SCLT1: variants seen among roughly 807,000 people sequenced by gnomAD.
SCLT1 encodes sodium channel and clathrin linker 1.
Under a neutral mutation model 112.8 loss-of-function variants are expected in SCLT1, and 78 were observed. The observed-to-expected ratio is 0.69, with a 90% CI of 0.58 to 0.83. The LOEUF is 0.83. SCLT1 is among the 40% of genes least tolerant of loss of function. The probability of loss-of-function intolerance (pLI) is 0.00; values close to 1 mark genes in which losing one functional copy is unlikely to be tolerated. For synonymous variants in SCLT1, 257 were observed against 254.7 expected (o/e 1.01, Z -0.09); for missense variants, 747 against 770.4 (o/e 0.97, Z 0.36).
chr4:129,026,743 A>G (rs1450977812), intron 5 of SCLT1, among the ~76,000 whole-genome samples: 3 of 152,230 alleles, frequency 2.0e-5, no homozygotes, highest in Non-Finnish European at 2.9e-5. Context: ...AACCCTTCAA[A>G]AAATTAATGA....
At chr4:129,085,547 C>A (rs1752319298) in intron 1 of SCLT1, among the ~76,000 whole-genome samples, 1 of 152,048 alleles carries the variant, frequency 6.6e-6, no homozygotes, top group African/African-American at 2.4e-5. Context: ...CATTCTACCA[C>A]AAAGACACAT....
At chr4:128,918,108 G>A (rs555585975) in intron 18 of SCLT1, among the ~76,000 whole-genome samples, 2 of 152,114 alleles carry the variant, frequency 1.3e-5, no homozygotes, top group Admixed American at 6.6e-5. Flanking sequence ...GTGCTCTCAG[G>A]CACCCAGAAG....
chr4:128,900,435 C>T (rs1222191980), intron 18 of SCLT1, among the ~76,000 whole-genome samples: 1 of 152,038 alleles, frequency 6.6e-6, no homozygotes, highest in Non-Finnish European at 1.5e-5. Flanking sequence ...GAAAGGATTC[C>T]CTATTTAATA....
intron 9 of SCLT1, among the ~76,000 whole-genome samples, chr4:128,990,193 A>C (rs1259935892): frequency 6.6e-6 from 1 of 152,028 alleles, no homozygotes; most frequent in Non-Finnish European, 1.5e-5. Flanking sequence ...CAGATGCAAA[A>C]ATCCTCAACA....
chr4:129,043,517 T>G, intron 3 of SCLT1, 50 bp from the exon 4 acceptor site: 1 of 790,638 alleles, frequency 1.3e-6, no homozygotes, highest in Non-Finnish European at 2.1e-6. Context: ...TCTAGTTTAA[T>G]AAATATATAA....
chr4:128,960,515 G>A (rs1227516257), intron 11 of SCLT1, among the ~76,000 whole-genome samples: 1 of 152,078 alleles, frequency 6.6e-6, no homozygotes, highest in Non-Finnish European at 1.5e-5. Context: ...GAAAGTTTAG[G>A]CATATTTTCC....
At chr4:129,051,908 C>T (rs780151207) in intron 2 of SCLT1, among the ~76,000 whole-genome samples, 1 of 152,082 alleles carries the variant, frequency 6.6e-6, no homozygotes, top group East Asian at 1.9e-4. Flanking sequence ...CCATCAATAC[C>T]TAGCTTATTG....
intron 5 of SCLT1, among the ~76,000 whole-genome samples, chr4:129,022,945 C>T (rs1431805347): frequency 6.6e-6 from 1 of 152,204 alleles, no homozygotes; most frequent in Non-Finnish European, 1.5e-5. Context: ...AACAGCAGAT[C>T]TCTCTGCAGA....
At chr4:128,890,971 A>G in intron 19 of SCLT1, 88 bp downstream of exon 19, 1 of 839,700 alleles carries the variant, frequency 1.2e-6, no homozygotes, top group Non-Finnish European at 2.0e-6. Context: ...CAAGTAGAGA[A>G]ATAATTTGGA....
At chr4:128,902,352 G>T (rs1265293480) in intron 18 of SCLT1, among the ~76,000 whole-genome samples, 1 of 152,136 alleles carries the variant, frequency 6.6e-6, no homozygotes. Flanking sequence ...ACACCACAGA[G>T]TTTGCTACAC....
At chr4:128,873,273 G>GAAAAAAAAAAAAAAAAAAAAAAAAAAAAA (rs1553953485) in intron 5 of SCLT1, 2 of 78,636 alleles carry the variant, frequency 2.5e-5, no homozygotes, top group Non-Finnish European at 5.4e-5. Flanking sequence ...AAAAAAAAAA[G>GAAAAAAAAAAAAAAAAAAAAAAAAAAAAA]AAAAAAAGAA....
At chr4:128,911,400 A>T in intron 18 of SCLT1, among the ~76,000 whole-genome samples, 1 of 152,352 alleles carries the variant, frequency 6.6e-6, no homozygotes, top group Non-Finnish European at 1.5e-5. Flanking sequence ...TTTGAAGCTC[A>T]AAATTCTTTG....
chr4:129,083,655 A>T (rs1001435793), intron 1 of SCLT1, among the ~76,000 whole-genome samples: 26 of 151,882 alleles, frequency 1.7e-4, no homozygotes, highest in African/African-American at 4.6e-4. Flanking sequence ...ACAGAGCAAG[A>T]CTCTATCTCA....
At chr4:129,065,983 A>C (rs566268043) in intron 2 of SCLT1, among the ~76,000 whole-genome samples, 1 of 152,038 alleles carries the variant, frequency 6.6e-6, no homozygotes, top group Non-Finnish European at 1.5e-5. Flanking sequence ...GAAAACATCA[A>C]ATAATAAATG....
At chr4:128,974,012 T>C (rs915107623) in intron 9 of SCLT1, among the ~76,000 whole-genome samples, 6 of 152,188 alleles carry the variant, frequency 3.9e-5, no homozygotes, top group African/African-American at 1.2e-4. Context: ...ACTGGGCCAA[T>C]CACTTAACCT....
chr4:129,069,878 T>C (rs1685098853), intron 2 of SCLT1, among the ~76,000 whole-genome samples: 1 of 152,160 alleles, frequency 6.6e-6, no homozygotes, highest in Non-Finnish European at 1.5e-5. Flanking sequence ...TCAGTATTAG[T>C]TGGCTGTGGG....
chr4:129,017,986 ACTGCTGGTT>A (rs568960990), intron 5 of SCLT1, among the ~76,000 whole-genome samples: 327 of 152,370 alleles, frequency 2.1e-3, no homozygotes, highest in Non-Finnish European at 4.0e-3. Context: ...AGCTATATCT[ACTGCTGGTT>A]CTAGAATCAC....
chr4:129,024,644 C>T (rs1013706867), intron 5 of SCLT1, among the ~76,000 whole-genome samples: 12 of 152,234 alleles, frequency 7.9e-5, no homozygotes, highest in African/African-American at 2.7e-4. Context: ...CAGAGCGACT[C>T]TCCTCCTCCA....
intron 18 of SCLT1, among the ~76,000 whole-genome samples, chr4:128,892,647 A>G (rs959017121): frequency 6.6e-6 from 1 of 152,258 alleles, no homozygotes; most frequent in African/African-American, 2.4e-5. Context: ...AAGCAATGTC[A>G]TCCACTATTC....
Sources: gnomAD v4.1 joint callset for allele counts (sites outside exome capture counted in the v4.1 genomes callset) on GRCh38, gnomAD v4.1.1 for gene constraint, MANE v1.5 for transcripts, NCBI Gene and HGNC (gene_info 2026-07-23, HGNC 2026-07-21) for gene names.